The following PTPRD variants were observed in gnomAD, a reference collection of about 807,000 sequenced individuals.
The protein encoded by PTPRD is protein tyrosine phosphatase receptor type D.
PTPRD carries 34 observed loss-of-function variants against 214.5 expected under a neutral mutation model. The observed-to-expected ratio is 0.16, with a 90% CI of 0.12 to 0.21. PTPRD has a LOEUF of 0.21. PTPRD is among the 10% of genes least tolerant of loss of function. The pLI is 1.00. For missense variants in PTPRD, 2,545 were observed against 2,398.7 expected (o/e 1.06, Z -1.27); for synonymous variants, 1,128 against 845.7 (o/e 1.33, Z -5.79).
chr9:10,431,390 C>G (rs2098676849), intron 2 of PTPRD, among the ~76,000 whole-genome samples: 1 of 152,114 alleles, frequency 6.6e-6, no homozygotes, highest in Non-Finnish European at 1.5e-5. Context: ...GACTTCATGT[C>G]TAAAACACCA....
chr9:10,222,749 A>G (rs763804181), intron 3 of PTPRD, among the ~76,000 whole-genome samples: 1 of 152,002 alleles, frequency 6.6e-6, no homozygotes, highest in Non-Finnish European at 1.5e-5. Context: ...CCTAATGGGT[A>G]TTGTTCTTCA....
chr9:8,559,248 G>C (rs1014926813), intron 14 of PTPRD, among the ~76,000 whole-genome samples: 8 of 152,140 alleles, frequency 5.3e-5, no homozygotes, highest in African/African-American at 1.9e-4. Context: ...AAAAGCGCTA[G>C]AGGAAATGAA....
chr9:9,456,634 T>C (rs1024923521), intron 8 of PTPRD, among the ~76,000 whole-genome samples: 8 of 151,962 alleles, frequency 5.3e-5, no homozygotes, highest in Admixed American at 1.3e-4. Flanking sequence ...AAGTAATAAC[T>C]AATGTTTATG....
At chr9:9,226,286 C>T (rs1392478136) in intron 9 of PTPRD, among the ~76,000 whole-genome samples, 1 of 151,328 alleles carries the variant, frequency 6.6e-6, no homozygotes, top group Non-Finnish European at 1.5e-5. Context: ...TGCTTGCTGG[C>T]CTCAGATCAA....
intron 25 of PTPRD, among the ~76,000 whole-genome samples, chr9:8,499,265 G>C (rs10117948): frequency 0.051 from 7,805 of 152,176 alleles, 661 homozygotes; most frequent in African/African-American, 0.18. Context: ...CAACTAAGTT[G>C]CAAGTTGTTT....
chr9:10,470,223 A>C (rs2099021520), intron 2 of PTPRD, among the ~76,000 whole-genome samples: 1 of 152,172 alleles, frequency 6.6e-6, no homozygotes, highest in African/African-American at 2.4e-5. Flanking sequence ...AATATAATAC[A>C]CACCACATAA....
chr9:9,673,761 A>G (rs932187440), intron 7 of PTPRD, among the ~76,000 whole-genome samples: 4 of 151,748 alleles, frequency 2.6e-5, no homozygotes, highest in Non-Finnish European at 4.4e-5. Flanking sequence ...TAAAACTTCA[A>G]TGGTAGAAAT....
intron 8 of PTPRD, among the ~76,000 whole-genome samples, chr9:9,411,367 G>C (rs962231627): frequency 3.3e-5 from 5 of 149,378 alleles, no homozygotes; most frequent in African/African-American, 1.2e-4. Flanking sequence ...TAAATCCTAA[G>C]CTAGCAAACT....
At chr9:10,490,483 T>C (rs1014507959) in intron 2 of PTPRD, among the ~76,000 whole-genome samples, 8 of 152,208 alleles carry the variant, frequency 5.3e-5, no homozygotes, top group African/African-American at 1.9e-4. Context: ...CCTACTTTTA[T>C]AGATACCTCT....
intron 9 of PTPRD, among the ~76,000 whole-genome samples, chr9:9,214,733 A>C (rs1165037722): frequency 6.6e-6 from 1 of 152,170 alleles, no homozygotes; most frequent in Non-Finnish European, 1.5e-5. Context: ...TTGCAAAGAT[A>C]CATTATAAAA....
chr9:9,228,587 T>C (rs963049456), intron 9 of PTPRD, among the ~76,000 whole-genome samples: 1 of 152,032 alleles, frequency 6.6e-6, no homozygotes, highest in African/African-American at 2.4e-5. Context: ...GGTAAACAGG[T>C]TTAAATCTCA....
At chr9:9,352,423 A>G (rs1427926822) in intron 9 of PTPRD, among the ~76,000 whole-genome samples, 1 of 151,100 alleles carries the variant, frequency 6.6e-6, no homozygotes, top group Non-Finnish European at 1.5e-5. Context: ...TGTTTTCCCA[A>G]TAATCAATAT....
intron 10 of PTPRD, among the ~76,000 whole-genome samples, chr9:9,025,922 T>C (rs1477302718): frequency 6.6e-6 from 1 of 152,064 alleles, no homozygotes; most frequent in East Asian, 1.9e-4. Context: ...TGTTCTTTTC[T>C]AGACACTAGA....
At chr9:9,659,540 C>T (rs1388002388) in intron 7 of PTPRD, among the ~76,000 whole-genome samples, 5 of 151,762 alleles carry the variant, frequency 3.3e-5, no homozygotes, top group Non-Finnish European at 5.9e-5. Flanking sequence ...TTTTTTTAAA[C>T]CCCTGGGCAT....
At chr9:10,140,307 A>T (rs1476243253) in intron 3 of PTPRD, among the ~76,000 whole-genome samples, 1 of 149,056 alleles carries the variant, frequency 6.7e-6, no homozygotes. Flanking sequence ...GAAGACATAC[A>T]AGCAGAAAAC....
chr9:9,892,243 A>G (rs2073583293), intron 5 of PTPRD, among the ~76,000 whole-genome samples: 1 of 152,228 alleles, frequency 6.6e-6, no homozygotes, highest in East Asian at 1.9e-4. Flanking sequence ...AGGAATGGAT[A>G]TTTAAATAAA....
At chr9:8,321,952 G>A in intron 44 of PTPRD, among the ~76,000 whole-genome samples, 1 of 152,138 alleles carries the variant, frequency 6.6e-6, no homozygotes, top group East Asian at 1.9e-4. Flanking sequence ...GTGTCTCTGT[G>A]TAGCAGTTTG....
At chr9:9,381,477 T>G (rs2062221988) in intron 9 of PTPRD, among the ~76,000 whole-genome samples, 1 of 151,438 alleles carries the variant, frequency 6.6e-6, no homozygotes, top group African/African-American at 2.4e-5. Flanking sequence ...CTTCTCACTA[T>G]GGCCTCCTGT....
chr9:10,511,253 A>G (rs1028955670), intron 2 of PTPRD, among the ~76,000 whole-genome samples: 1 of 152,156 alleles, frequency 6.6e-6, no homozygotes, highest in Non-Finnish European at 1.5e-5. Context: ...ATTTGTGTGA[A>G]TATGTTTCTA....
Sources: gnomAD v4.1 joint callset for allele counts (sites outside exome capture counted in the v4.1 genomes callset) on GRCh38, gnomAD v4.1.1 for gene constraint, MANE v1.5 for transcripts, NCBI Gene and HGNC (gene_info 2026-07-23, HGNC 2026-07-21) for gene names.